Variants in GSE1 observed in about 807,000 individuals in gnomAD.
GSE1 encodes Gse1 coiled-coil protein, also known as genetic suppressor element 1.
In GSE1, 32 loss-of-function variants were observed where a neutral mutation model predicts 112.6. The ratio of observed to expected loss-of-function variants is 0.28; its 90% CI spans 0.21 to 0.38. GSE1 has a LOEUF of 0.38. Among genes scored for constraint, GSE1 ranks in the 10% least tolerant of loss-of-function variants. The pLI, the probability that GSE1 is intolerant of heterozygous loss-of-function variation, is 1.00. For missense variants in GSE1, 2,348 were observed against 1,699.2 expected, an observed-to-expected ratio of 1.38 and a Z score of -6.71; for synonymous variants, 1,115 against 735.6, an observed-to-expected ratio of 1.52 and a Z score of -8.35.
At chr16:85,560,128 CTT>C (rs377241566) in intron 1 of GSE1, among the ~76,000 whole-genome samples, 7 of 99,160 alleles carry the variant, frequency 7.1e-5, no homozygotes, top group African/African-American at 2.0e-4. Context: ...TCTTCTTCTT[CTT>C]TTTTTTTTTT....
intron 1 of GSE1, among the ~76,000 whole-genome samples, chr16:85,324,509 CAA>C (rs58493568): frequency 5.7e-4 from 56 of 98,018 alleles, no homozygotes; most frequent in Admixed American, 6.4e-4. Context: ...GACTCCCTCT[CAA>C]AAAAAAAAAA....
At chr16:85,623,890 G>C (rs185558616) in intron 1 of GSE1, among the ~76,000 whole-genome samples, 2 of 152,116 alleles carry the variant, frequency 1.3e-5, no homozygotes, top group Admixed American at 1.3e-4. Context: ...GCTCCTGTAC[G>C]GCCTGGTCCC....
At chr16:85,190,610 G>A (rs2074800167) in intron 1 of GSE1, among the ~76,000 whole-genome samples, 1 of 152,264 alleles carries the variant, frequency 6.6e-6, no homozygotes, top group Non-Finnish European at 1.5e-5. Flanking sequence ...GCCCAGGAAG[G>A]GAAAGGGACT....
chr16:85,209,162 C>T (rs961946879), intron 1 of GSE1, among the ~76,000 whole-genome samples: 1 of 152,214 alleles, frequency 6.6e-6, no homozygotes, highest in Non-Finnish European at 1.5e-5. Flanking sequence ...TTTCTGTTCT[C>T]TGCTCACTGT....
intron 2 of GSE1, among the ~76,000 whole-genome samples, chr16:85,464,456 T>C (rs1364464712): frequency 6.6e-6 from 1 of 152,240 alleles, no homozygotes; most frequent in Non-Finnish European, 1.5e-5. Flanking sequence ...CTGCCTGGCT[T>C]CCTCTGATCG....
upstream of GSE1, among the ~76,000 whole-genome samples, chr16:85,553,386 G>A (rs1335394118): frequency 6.6e-6 from 1 of 151,572 alleles, no homozygotes; most frequent in Non-Finnish European, 1.5e-5. Context: ...CCGGCGCCGA[G>A]GGCCTGGCGC....
At chr16:85,464,744 C>G (rs1172854966) in intron 2 of GSE1, among the ~76,000 whole-genome samples, 2 of 152,360 alleles carry the variant, frequency 1.3e-5, no homozygotes, top group South Asian at 4.1e-4. Flanking sequence ...GCAGAGGCCA[C>G]CTGCGTGGAG....
At chr16:85,597,932 C>T (rs776662953) in intron 1 of GSE1, among the ~76,000 whole-genome samples, 3 of 152,126 alleles carry the variant, frequency 2.0e-5, no homozygotes, top group African/African-American at 7.2e-5. Context: ...ACCTTTCTTA[C>T]GGGTAGAGAT....
intron 10 of GSE1, 125 bp downstream of exon 10, chr16:85,663,218 C>T (rs2052575459): frequency 7.7e-7 from 1 of 1,305,978 alleles, no homozygotes; most frequent in Non-Finnish European, 1.1e-6. Flanking sequence ...CCCCATGAAG[C>T]TCTTCTCCCA....
intron 2 of GSE1, among the ~76,000 whole-genome samples, chr16:85,645,858 C>CA (rs1343735398): frequency 3.3e-5 from 5 of 151,840 alleles, no homozygotes; most frequent in East Asian, 1.9e-4. Context: ...TGCATTCTAC[C>CA]TGCTTCTACC....
At chr16:85,235,797 C>G (rs927738611) in intron 1 of GSE1, among the ~76,000 whole-genome samples, 111 of 152,066 alleles carry the variant, frequency 7.3e-4, no homozygotes, top group African/African-American at 2.5e-3. Flanking sequence ...AGGCGCCGGC[C>G]GGTGAGCGCG....
At chr16:85,303,135 C>G (rs1399963397) in intron 1 of GSE1, among the ~76,000 whole-genome samples, 1 of 152,246 alleles carries the variant, frequency 6.6e-6, no homozygotes, top group African/African-American at 2.4e-5. Context: ...TCCCTCTGGC[C>G]GTTGTTGCCC....
rs558654700 is a variant in GSE1 at position 85,267,345 on chromosome 16, C to T, written c.2284-90118C>T. Among the ~76,000 whole-genome samples the T allele has an allele frequency of 2.6e-5, 4 of 152,302 alleles. No individual in the cohort carries two copies. The South Asian group carries it at 6.2e-4, about 24-fold the overall frequency. ...GAAGCAAAGTGGACCAGCTTTTCCA[C>T]CCCTGCCTTGTCCCTGCCTTCCTGA... On this transcript the variant is annotated intron_variant, in intron 1 of 2. Transcript: ENST00000637419.
chr16:85,496,664 G>C lies in GSE1; in HGVS notation c.2465-137250G>C, dbSNP rs964656242. On this transcript the variant is annotated intron_variant, in intron 2 of 2. Transcript: ENST00000637419. ...GGACCATGCTGTCACGACATATAGAGAGCGCTCAGGAAGATTCAAAACAGG... is the reference window on the plus strand; with the variant it reads ...GGACCATGCTGTCACGACATATAGACAGCGCTCAGGAAGATTCAAAACAGG... 5.7e-4 allele frequency among the ~76,000 whole-genome samples: 87 copies of C among 152,366 alleles called. 1 individual carries two copies. Among genetic ancestry groups the C allele is most frequent in the Non-Finnish European group, 1.2e-4 (8 of 68,032 alleles).
At position 85,668,122 on chromosome 16, in the gene GSE1, GC is replaced by G. The variant is rs1555572004; in HGVS notation, c.3131-15del. On this transcript the variant is annotated splice_polypyrimidine_tract_variant and intron_variant, in intron 13 of 15. Coordinates refer to ENST00000253458, the MANE Select transcript of GSE1 (RefSeq NM_014615.5). ...CCCTTCCCCCAACACACTGATGCAAGCCCTGTCCCCTCCACAGGGAGCGTGG... is the reference window on the plus strand; with the variant it reads ...CCCTTCCCCCAACACACTGATGCAAGCCTGTCCCCTCCACAGGGAGCGTGG... 6.5e-7 allele frequency: 1 copy of G among 1,548,074 alleles called. No individual in the cohort carries two copies. Among genetic ancestry groups the G allele is most frequent in the Non-Finnish European group, 8.8e-7 (1 of 1,142,454 alleles).
chr16:85,179,834 A>G (rs1335964210), intron 1 of GSE1, among the ~76,000 whole-genome samples: 1 of 152,240 alleles, frequency 6.6e-6, no homozygotes, highest in Non-Finnish European at 1.5e-5. Flanking sequence ...CCTGGGCATC[A>G]GAAGCCTTGG....
At chr16:85,651,074 TCCTCCCCCTCCCCCTCC>T (rs2051308162) in intron 3 of GSE1, among the ~76,000 whole-genome samples, 9 of 21,494 alleles carry the variant, frequency 4.2e-4, no homozygotes, top group African/African-American at 1.7e-3. Context: ...CCTCCGCCCC[TCCTCCCCCTCCCCCTCC>T]GCCTTCTTTC....
rs1248076338 is a variant in GSE1, at chr16:85,654,966, C to T, written c.772C>T (p.His258Tyr). The change falls in exon 5 of 16, where the codon CAC becomes TAC. Residue 258 changes from histidine (H) to tyrosine (Y), a missense_variant. Transcript: ENST00000253458. ...AYYHPSYLAP[H>Y]PFPHPAFRMD... ...CTACCACCCCAGCTACCTGGCCCCA[C>T]ACCCCTTCCCCCACCCGGCCTTCAG... 1 of 1,602,958 alleles carries T rather than the reference C, an allele frequency of 6.2e-7. No individual in the cohort carries two copies. The highest frequency in any genetic ancestry group is 8.5e-7 in the Non-Finnish European group (1 of 1,175,884).
chr16:85,479,257 C>T (rs1166369426), intron 2 of GSE1, among the ~76,000 whole-genome samples: 3 of 125,638 alleles, frequency 2.4e-5, no homozygotes, highest in East Asian at 2.6e-4. Flanking sequence ...TGGTCTTGAT[C>T]TCCTGACCCC....
Sources: gnomAD v4.1 joint callset for allele counts (sites outside exome capture counted in the v4.1 genomes callset) on GRCh38, gnomAD v4.1.1 for gene constraint, MANE v1.5 for transcripts, NCBI Gene and HGNC (gene_info 2026-07-23, HGNC 2026-07-21) for gene names.